KCNAB1: variants seen among roughly 807,000 people sequenced by gnomAD.
The protein encoded by KCNAB1 is potassium voltage-gated channel subfamily A regulatory beta subunit 1, also known as voltage-gated potassium channel subunit beta-1.
KCNAB1 carries 35 observed loss-of-function variants against 64.6 expected under a neutral mutation model. The ratio of observed to expected loss-of-function variants is 0.54; its 90% CI spans 0.41 to 0.72. KCNAB1 has a LOEUF of 0.72. Among genes scored for constraint, KCNAB1 ranks in the 30% least tolerant of loss-of-function variants. KCNAB1 has a pLI of 0.00. For missense variants in KCNAB1, 401 were observed against 512.9 expected, an observed-to-expected ratio of 0.78 and a Z score of 2.11; for synonymous variants, 177 against 183.8, an observed-to-expected ratio of 0.96 and a Z score of 0.30.
intron 1 of KCNAB1, among the ~76,000 whole-genome samples, chr3:156,207,819 A>G (rs1310367210): frequency 6.6e-6 from 1 of 152,206 alleles, no homozygotes. Flanking sequence ...GGAAATTTTG[A>G]CAACCAGAAC....
At chr3:156,301,211 GT>G (rs3836228) in intron 1 of KCNAB1, among the ~76,000 whole-genome samples, 5 of 149,084 alleles carry the variant, frequency 3.4e-5, no homozygotes, top group East Asian at 3.9e-4. Flanking sequence ...TTTATGTTTT[GT>G]TTTTTTTTTA....
chr3:156,299,127 G>A (rs1391463669), intron 1 of KCNAB1, among the ~76,000 whole-genome samples: 1 of 152,232 alleles, frequency 6.6e-6, no homozygotes, highest in African/African-American at 2.4e-5. Context: ...GTGAGGTCCT[G>A]ACTCCAAGGG....
chr3:156,325,139 G>A (rs920622478), intron 1 of KCNAB1, among the ~76,000 whole-genome samples: 1 of 152,122 alleles, frequency 6.6e-6, no homozygotes, highest in Non-Finnish European at 1.5e-5. Context: ...AACCATGTGA[G>A]GTGGATACTA....
At chr3:156,242,866 T>G (rs1717239456) in intron 1 of KCNAB1, among the ~76,000 whole-genome samples, 1 of 151,628 alleles carries the variant, frequency 6.6e-6, no homozygotes, top group Non-Finnish European at 1.5e-5. Flanking sequence ...CCCAGATGTC[T>G]GATCATCCTT....
intron 1 of KCNAB1, among the ~76,000 whole-genome samples, chr3:156,355,305 C>T (rs950185893): frequency 2.6e-5 from 4 of 152,146 alleles, no homozygotes; most frequent in Non-Finnish European, 5.9e-5. Context: ...AATTTTCTGA[C>T]GTTGACGTGA....
rs1384877250 is a variant in KCNAB1 at position 156,143,573 on chromosome 3, T to G, written c.275+22687T>G. Among the ~76,000 whole-genome samples, 225 of 25,756 alleles carry G rather than the reference T, an allele frequency of 8.7e-3. 2 individuals carry two copies. Among genetic ancestry groups the G allele is most frequent in the African/African-American group, 0.025 (208 of 8,400 alleles). The allele number at this position is 25,756 out of a possible 152,430, so 16.9% of individuals were successfully genotyped here. Reference sequence around the variant, plus strand: ...CTCTTCTTGGGTTGCATTCTTGTTTTTTTTTTTTTTTTTTTTTTTTTTTTA... The same window carrying G: ...CTCTTCTTGGGTTGCATTCTTGTTTGTTTTTTTTTTTTTTTTTTTTTTTTA... On this transcript the variant is annotated intron_variant, in intron 1 of 13. Coordinates refer to ENST00000490337, the MANE Select transcript of KCNAB1 (RefSeq NM_172160.3).
chr3:156,169,661 G>A (rs897756742), intron 1 of KCNAB1, among the ~76,000 whole-genome samples: 7 of 152,176 alleles, frequency 4.6e-5, no homozygotes, highest in African/African-American at 7.2e-5. Context: ...GGTCAGCACC[G>A]TCCCTCTAGT....
intron 1 of KCNAB1, among the ~76,000 whole-genome samples, chr3:156,398,912 A>C (rs1713689740): frequency 6.6e-6 from 1 of 152,210 alleles, no homozygotes; most frequent in African/African-American, 2.4e-5. Flanking sequence ...AATCTGTTTC[A>C]GGACTGAGCA....
At chr3:156,279,514 C>T (rs1357291965) in intron 1 of KCNAB1, among the ~76,000 whole-genome samples, 2 of 151,876 alleles carry the variant, frequency 1.3e-5, no homozygotes, top group East Asian at 3.9e-4. Flanking sequence ...ATGGTATTTC[C>T]AGTTCTAGAT....
At chr3:156,459,901 T>A (rs778898927) in intron 5 of KCNAB1, 30 bp downstream of exon 5, 9 of 1,535,654 alleles carry the variant, frequency 5.9e-6, no homozygotes, top group South Asian at 5.7e-5. Context: ...TATTTGTTTT[T>A]AAAAAGGTAT....
intron 1 of KCNAB1, among the ~76,000 whole-genome samples, chr3:156,122,922 C>A (rs906906638): frequency 2.6e-5 from 4 of 152,196 alleles, no homozygotes; most frequent in African/African-American, 4.8e-5. Flanking sequence ...GAACTACATT[C>A]CTCTGTCGAG....
intron 8 of KCNAB1, among the ~76,000 whole-genome samples, chr3:156,496,673 T>C (rs758365901): frequency 3.9e-5 from 6 of 152,212 alleles, no homozygotes; most frequent in Non-Finnish European, 5.9e-5. Flanking sequence ...GTAGCCACTT[T>C]AGTGGGTCAT....
chr3:156,224,505 CTCACAGAGCTGGAGAAACA>C (rs1716027741), intron 1 of KCNAB1, among the ~76,000 whole-genome samples: 1 of 152,230 alleles, frequency 6.6e-6, no homozygotes, highest in Non-Finnish European at 1.5e-5. Flanking sequence ...AAGTTCTTAC[CTCACAGAGCTGGAGAAACA>C]AGGACAATTC....
intron 2 of KCNAB1, among the ~76,000 whole-genome samples, chr3:156,427,762 G>A (rs1210237116): frequency 1.3e-5 from 2 of 152,120 alleles, no homozygotes; most frequent in Non-Finnish European, 2.9e-5. Flanking sequence ...GGAGACCGGG[G>A]AACCTACCAC....
At chr3:156,236,281 C>T (rs1481895208) in intron 1 of KCNAB1, among the ~76,000 whole-genome samples, 1 of 152,168 alleles carries the variant, frequency 6.6e-6, no homozygotes, top group African/African-American at 2.4e-5. Context: ...TGCAAAGTTG[C>T]ACCTCTGGGA....
chr3:156,348,037 AT>A (rs768931461), intron 1 of KCNAB1, among the ~76,000 whole-genome samples: 1 of 152,196 alleles, frequency 6.6e-6, no homozygotes, highest in Non-Finnish European at 1.5e-5. Context: ...TTTCTGCTAT[AT>A]GCAAGCAAAC....
At chr3:156,359,663 T>C (rs1725477633) in intron 1 of KCNAB1, among the ~76,000 whole-genome samples, 1 of 152,164 alleles carries the variant, frequency 6.6e-6, no homozygotes, top group African/African-American at 2.4e-5. Context: ...GTATGCACCA[T>C]TATGTGAATT....
intron 1 of KCNAB1, among the ~76,000 whole-genome samples, chr3:156,209,960 A>G (rs916505788): frequency 6.6e-6 from 1 of 152,220 alleles, no homozygotes; most frequent in African/African-American, 2.4e-5. Context: ...TGAAAAAAAG[A>G]TCTTTAAACT....
At chr3:156,437,589 G>A (rs1716673086) in intron 2 of KCNAB1, among the ~76,000 whole-genome samples, 1 of 152,160 alleles carries the variant, frequency 6.6e-6, no homozygotes, top group East Asian at 1.9e-4. Context: ...TTGTAATCTT[G>A]TCCCAGAAAA....
Sources: gnomAD v4.1 joint callset for allele counts (sites outside exome capture counted in the v4.1 genomes callset) on GRCh38, gnomAD v4.1.1 for gene constraint, MANE v1.5 for transcripts, NCBI Gene and HGNC (gene_info 2026-07-23, HGNC 2026-07-21) for gene names.